Variants in KANK1 observed in about 807,000 individuals in gnomAD.
KANK1 encodes the protein KN motif and ankyrin repeat domain-containing protein 1.
Under a neutral mutation model 106.2 loss-of-function variants are expected in KANK1, and 109 were observed. The observed-to-expected ratio is 1.03, with a 90% confidence interval of 0.88 to 1.20. KANK1 has a LOEUF of 1.20. Among genes scored for constraint, KANK1 ranks in the 50% most tolerant of loss-of-function variants. KANK1 has a pLI of 0.00. For synonymous variants in KANK1, 873 were observed against 652.2 expected (o/e 1.34, Z -5.16); for missense variants, 2,399 against 1,710.7 (o/e 1.40, Z -7.10).
At chr9:600,610 G>A (rs1410730924) in intron 1 of KANK1, among the ~76,000 whole-genome samples, 1 of 151,872 alleles carries the variant, frequency 6.6e-6, no homozygotes, top group Non-Finnish European at 1.5e-5. Context: ...ATTAGTAGGT[G>A]AGGAAACAAC....
intron 1 of KANK1, among the ~76,000 whole-genome samples, chr9:657,891 G>T (rs1381520273): frequency 6.6e-6 from 1 of 151,948 alleles, no homozygotes; most frequent in African/African-American, 2.4e-5. Context: ...GGTGGTGGTG[G>T]TGTGGGGGTG....
intron 9 of KANK1, among the ~76,000 whole-genome samples, chr9:741,726 A>G (rs753059598): frequency 6.6e-5 from 10 of 151,928 alleles, no homozygotes; most frequent in Non-Finnish European, 1.5e-4. Context: ...TGACCTCATG[A>G]TCCACCTGAC....
At chr9:646,775 C>T (rs1471150686) in intron 1 of KANK1, among the ~76,000 whole-genome samples, 3 of 150,090 alleles carry the variant, frequency 2.0e-5, no homozygotes, top group African/African-American at 7.6e-5. Flanking sequence ...CTGCAATCTC[C>T]GCCTCCCGGG....
intron 1 of KANK1, among the ~76,000 whole-genome samples, chr9:529,093 C>G (rs900766202): frequency 6.6e-6 from 1 of 152,080 alleles, no homozygotes; most frequent in African/African-American, 2.4e-5. Flanking sequence ...GCCACTGTGC[C>G]TGGCCCATGG....
intron 2 of KANK1, among the ~76,000 whole-genome samples, chr9:682,045 C>T (rs1337269919): frequency 1.3e-5 from 2 of 151,874 alleles, no homozygotes; most frequent in African/African-American, 4.8e-5. Context: ...TTTGGGAGGC[C>T]GATGCAGGTG....
chr9:514,126 C>A (rs2059156620), intron 1 of KANK1, among the ~76,000 whole-genome samples: 1 of 109,182 alleles, frequency 9.2e-6, no homozygotes, highest in African/African-American at 6.9e-5. Flanking sequence ...CTCCCTCTCT[C>A]TCTCCCTCCC....
chr9:508,820 C>T (rs2058895741), intron 1 of KANK1, among the ~76,000 whole-genome samples: 1 of 152,148 alleles, frequency 6.6e-6, no homozygotes, highest in Non-Finnish European at 1.5e-5. Flanking sequence ...TTTCCAGTTT[C>T]TTACATGGTA....
chr9:485,038 C>T (rs1386877262), intron 3 of KANK1, among the ~76,000 whole-genome samples: 1 of 152,234 alleles, frequency 6.6e-6, no homozygotes, highest in Non-Finnish European at 1.5e-5. Context: ...TGGACTAGTC[C>T]TAGACCAACT....
chr9:593,698 G>T (rs1217676190), intron 1 of KANK1, among the ~76,000 whole-genome samples: 1 of 151,766 alleles, frequency 6.6e-6, no homozygotes, highest in East Asian at 1.9e-4. Flanking sequence ...CAGAAACATG[G>T]TATCATCTGA....
intron 2 of KANK1, among the ~76,000 whole-genome samples, chr9:702,260 G>C (rs999480373): frequency 2.0e-5 from 3 of 152,176 alleles, no homozygotes; most frequent in African/African-American, 7.2e-5. Context: ...AGACAACATG[G>C]AGCCCAGTGT....
At position 654,554 on chromosome 9, in the gene KANK1, G is replaced by A. The variant is rs893276246; in HGVS notation, c.-83-22336G>A. Among the ~76,000 whole-genome samples, 6 of 146,584 alleles carry A rather than the reference G, an allele frequency of 4.1e-5. No individual in the cohort carries two copies. The Admixed American group carries it at 4.1e-4, about 10-fold the overall frequency. The stretch of plus-strand genomic sequence containing the variant: ...TTTCAAACACTAACTCAACCAGAAG[G>A]GACAATGTAATATATTTACCACTCA... On this transcript the variant is annotated intron_variant, in intron 1 of 11. Transcript: ENST00000382297.
At chr9:688,022 TATA>T (rs1292439667) in intron 2 of KANK1, among the ~76,000 whole-genome samples, 1 of 152,192 alleles carries the variant, frequency 6.6e-6, no homozygotes, top group African/African-American at 2.4e-5. Context: ...ATGCTGGGCA[TATA>T]ATACAGGTCA....
intron 1 of KANK1, among the ~76,000 whole-genome samples, chr9:564,352 G>A (rs558109426): frequency 4.6e-5 from 7 of 152,210 alleles, no homozygotes; most frequent in South Asian, 2.1e-4. Context: ...GGGAGCCACC[G>A]TGCCCGGCCA....
At chr9:666,790 A>G (rs1588715918) in intron 1 of KANK1, among the ~76,000 whole-genome samples, 1 of 152,010 alleles carries the variant, frequency 6.6e-6, no homozygotes, top group Admixed American at 6.6e-5. Flanking sequence ...GGTGAATCCC[A>G]CTTGATAATG....
chr9:721,688 G>C (rs1046960881), intron 3 of KANK1, among the ~76,000 whole-genome samples: 1 of 152,178 alleles, frequency 6.6e-6, no homozygotes, highest in Non-Finnish European at 1.5e-5. Flanking sequence ...ATTTACCTGG[G>C]TCCCTCAAGG....
At chr9:675,111 A>G (rs1430336547) in intron 1 of KANK1, among the ~76,000 whole-genome samples, 2 of 152,168 alleles carry the variant, frequency 1.3e-5, no homozygotes, top group Non-Finnish European at 2.9e-5. Context: ...TTTTGGTACA[A>G]TTACTTCTCA....
intron 3 of KANK1, among the ~76,000 whole-genome samples, chr9:485,965 GAA>G (rs2058287834): frequency 6.6e-6 from 1 of 152,014 alleles, no homozygotes; most frequent in South Asian, 2.1e-4. Flanking sequence ...AGCTGAACCT[GAA>G]GTCAGAGCTT....
At chr9:697,791 G>A (rs1418798446) in intron 2 of KANK1, among the ~76,000 whole-genome samples, 1 of 152,134 alleles carries the variant, frequency 6.6e-6, no homozygotes, top group Non-Finnish European at 1.5e-5. Flanking sequence ...GCTAGTGGGG[G>A]TTCAAAAGAG....
At chr9:730,956 C>T (rs1194864076) in intron 4 of KANK1, 4 of 367,780 alleles carry the variant, frequency 1.1e-5, no homozygotes, top group South Asian at 6.8e-5. Flanking sequence ...GATTTTTTTC[C>T]CATGTGAAGA....
Sources: allele counts gnomAD v4.1 joint callset (sites outside exome capture counted in the v4.1 genomes callset), GRCh38; gene constraint gnomAD v4.1.1; transcripts MANE v1.5; gene names NCBI Gene and HGNC (gene_info 2026-07-23, HGNC 2026-07-21).